Variants in SLC9A6 observed in about 807,000 individuals in gnomAD.
The protein encoded by SLC9A6 is sodium/hydrogen exchanger 6.
In SLC9A6, 6 loss-of-function variants were observed where a neutral mutation model predicts 45.3. The observed-to-expected ratio is 0.13, with a 90% confidence interval of 0.07 to 0.26. The LOEUF (loss-of-function observed/expected upper bound fraction) is 0.26. Among genes scored for constraint, SLC9A6 ranks in the 10% least tolerant of loss-of-function variants. SLC9A6 has a pLI of 1.00. For synonymous variants in SLC9A6, 191 were observed against 187.7 expected, an observed-to-expected ratio of 1.02 and a Z score of -0.14; for missense variants, 278 against 503.7, an observed-to-expected ratio of 0.55 and a Z score of 4.29.
chrX:136,010,258 C>A, intron 7 of SLC9A6, 184 bp from the exon 8 acceptor site: 3 of 313,288 alleles, frequency 9.6e-6, no homozygotes, highest in Non-Finnish European at 1.7e-5. Context: ...AAGGGAAAGC[C>A]AAGTTTTCTT....
intron 2 of SLC9A6, among the ~76,000 whole-genome samples, chrX:135,988,598 C>A (rs2148134594): frequency 1.0e-5 from 1 of 99,710 alleles, no homozygotes; most frequent in East Asian, 3.1e-4. Context: ...TTGAAGTTTT[C>A]TTTTTCCTTT....
intron 15 of SLC9A6, 134 bp from the exon 16 acceptor site, chrX:136,033,280 A>C: frequency 2.5e-6 from 1 of 406,586 alleles, no homozygotes. Flanking sequence ...CAAACTATTA[A>C]ATTTCTAATG....
chrX:135,986,558 G>A (rs1556615004), intron 2 of SLC9A6, among the ~76,000 whole-genome samples: 1 of 111,648 alleles, frequency 9.0e-6, no homozygotes, highest in Non-Finnish European at 1.9e-5. Flanking sequence ...TGTACTATAC[G>A]ATGATCAGGA....
chrX:136,018,369 TTGAA>T lies in SLC9A6; in HGVS notation c.1194+1615_1194+1618del, dbSNP rs200985239. Among the ~76,000 whole-genome samples the T allele has an allele frequency of 6.8e-3, 760 of 112,043 alleles. 6 individuals carry two copies. The highest frequency in any genetic ancestry group is 0.024 in the African/African-American group (727 of 30,835). The stretch of plus-strand genomic sequence containing the variant: ...TTAGCAGTAGAACCAATCTGCCCCA[TTGAA>T]TGAGTTTGTCCAGCAGTACTTACTG... On this transcript the variant is annotated intron_variant, in intron 11 of 17. Transcript: ENST00000630721.
At chrX:136,031,124 G>C (rs782806064) in intron 15 of SLC9A6, among the ~76,000 whole-genome samples, 3 of 112,339 alleles carry the variant, frequency 2.7e-5, no homozygotes, top group African/African-American at 9.7e-5. Context: ...TGACATACTT[G>C]TAAAAACCAA....
Position 136,044,498 on chromosome X carries a change from A to G in SLC9A6, c.1814A>G (p.Asp605Gly), listed in dbSNP as rs1556623185. Residue 605 changes from aspartate to glycine, a missense_variant, in exon 18 of 18, where the codon GAT (aspartate) becomes GGT (glycine). Physicochemically the swap from Asp to Gly is moderately conservative, Grantham distance 94. Coordinates refer to ENST00000630721, the MANE Select transcript of SLC9A6 (RefSeq NM_001379110.1). ...GATGATTCTGATCTTATTCTCAATG[A>G]TGGTGACATCAGTTTGACATATGGA... ...KDDDSDLILNDGDISLTYGDS... is the reference protein window; with the variant it reads ...KDDDSDLILNGGDISLTYGDS... 8.3e-7 allele frequency: 1 copy of G among 1,204,544 alleles called. No individual in the cohort carries two copies. Among genetic ancestry groups the G allele is most frequent in the South Asian group, 1.8e-5 (1 of 56,834 alleles).
At chrX:136,042,382 C>T (rs962670477) in intron 17 of SLC9A6, among the ~76,000 whole-genome samples, 25 of 110,913 alleles carry the variant, frequency 2.3e-4, no homozygotes, top group Non-Finnish European at 4.0e-4. Context: ...TTCGCCATGT[C>T]AGCCAGGCTG....
At chrX:136,007,242 A>G (rs782146937) in intron 7 of SLC9A6, among the ~76,000 whole-genome samples, 1 of 108,826 alleles carries the variant, frequency 9.2e-6, no homozygotes, top group Non-Finnish European at 1.9e-5. Context: ...CCACACACAC[A>G]CAGGAGATAT....
chrX:136,002,838 G>A (rs1320197120), intron 7 of SLC9A6, among the ~76,000 whole-genome samples: 2 of 111,351 alleles, frequency 1.8e-5, no homozygotes, highest in Non-Finnish European at 1.9e-5. Flanking sequence ...GATTACAGGC[G>A]TGAGCCACTG....
intron 2 of SLC9A6, among the ~76,000 whole-genome samples, chrX:135,992,174 G>A (rs1198820066): frequency 1.8e-5 from 2 of 111,576 alleles, no homozygotes; most frequent in East Asian, 5.6e-4. Flanking sequence ...CCCCCTCGGT[G>A]CTCAGGCCAA....
intron 7 of SLC9A6, among the ~76,000 whole-genome samples, chrX:136,009,729 G>A (rs2070882620): frequency 8.9e-6 from 1 of 112,185 alleles, no homozygotes; most frequent in Non-Finnish European, 1.9e-5. Context: ...GGTTTGGACT[G>A]TGAGTTCAAG....
At chrX:135,975,388 G>A (rs781925340) in intron 1 of SLC9A6, 33 of 112,077 alleles carry the variant, frequency 2.9e-4, no homozygotes, top group African/African-American at 9.7e-4. Context: ...TCAAAGATGC[G>A]TCCTATCCTG....
At chrX:135,999,302 A>G (rs1556617084) in intron 6 of SLC9A6, among the ~76,000 whole-genome samples, 1 of 110,877 alleles carries the variant, frequency 9.0e-6, no homozygotes, top group East Asian at 2.8e-4. Flanking sequence ...ACTAGATTAT[A>G]GATTAGTTTA....
At chrX:136,035,450 GCTT>G (rs2071397481) in intron 16 of SLC9A6, among the ~76,000 whole-genome samples, 1 of 111,614 alleles carries the variant, frequency 9.0e-6, no homozygotes, top group African/African-American at 3.3e-5. Context: ...TTTCTGTCTT[GCTT>G]CTTTCACTCG....
intron 2 of SLC9A6, among the ~76,000 whole-genome samples, chrX:135,992,119 T>C (rs1428520831): frequency 8.9e-6 from 1 of 111,844 alleles, no homozygotes; most frequent in African/African-American, 3.3e-5. Context: ...CCTGTAAATC[T>C]GTTCATCTGT....
At chrX:136,014,248 C>T (rs1556619000) in intron 10 of SLC9A6, among the ~76,000 whole-genome samples, 1 of 112,402 alleles carries the variant, frequency 8.9e-6, no homozygotes, top group African/African-American at 3.2e-5. Flanking sequence ...GCAGGAGCAA[C>T]AGTATTTCTT....
chrX:135,990,769 G>A (rs377137040), intron 2 of SLC9A6, among the ~76,000 whole-genome samples: 2 of 110,006 alleles, frequency 1.8e-5, no homozygotes, highest in Non-Finnish European at 3.8e-5. Flanking sequence ...GTAGGACTCC[G>A]TCTCAAAAAT....
upstream of SLC9A6, chrX:135,973,850 G>A (rs781836747): frequency 2.6e-5 from 30 of 1,161,475 alleles, 1 homozygote; most frequent in South Asian, 5.8e-5. Flanking sequence ...CAGGAATGCC[G>A]GGAAGAAGCA....
Position 136,001,960 on chromosome X carries a change from C to T in SLC9A6, c.638-148C>T, listed in dbSNP as rs1268955575. On this transcript the variant is annotated intron_variant, in intron 6 of 17. Coordinates refer to ENST00000630721, the MANE Select transcript of SLC9A6 (RefSeq NM_001379110.1). ...AAAGAAAAATATTTATATAAAATTA[C>T]GGGGTCTTTAATATGGTAAGAGAAT... 7.1e-5 allele frequency: 30 copies of T among 424,389 alleles called. No homozygotes were observed. The South Asian group carries it at 9.0e-4, about 13-fold the overall frequency. The allele number at this position is 424,389 out of a possible 1,213,427, so 35.0% of individuals were successfully genotyped here. A position where few individuals can be genotyped will look rare whatever the true frequency, so the allele number is the denominator to read the frequency against.
Sources: allele counts gnomAD v4.1 joint callset (sites outside exome capture counted in the v4.1 genomes callset), GRCh38; gene constraint gnomAD v4.1.1; transcripts MANE v1.5; gene names NCBI Gene and HGNC (gene_info 2026-07-23, HGNC 2026-07-21).